ASAH1: variants seen among roughly 807,000 people sequenced by gnomAD.
ASAH1 encodes the protein acid ceramidase.
Under a neutral mutation model 59.5 loss-of-function variants are expected in ASAH1, and 70 were observed. The ratio of observed to expected loss-of-function variants is 1.18; its 90% CI spans 0.97 to 1.43. The LOEUF is 1.43. ASAH1 is among the 40% of genes most tolerant of loss of function. ASAH1 has a pLI of 0.00. For synonymous variants in ASAH1, 213 were observed against 166.5 expected (o/e 1.28, Z -2.15); for missense variants, 660 against 482.5 (o/e 1.37, Z -3.45).
intron 6 of ASAH1, 66 bp from the exon 7 acceptor site, chr8:18,063,296 T>A: frequency 7.2e-7 from 1 of 1,387,116 alleles, no homozygotes; most frequent in African/African-American, 1.4e-5. Context: ...GCTGGACAAT[T>A]AATTTTGATT....
Position 18,066,049 on chromosome 8 carries a change from A to G in ASAH1, c.382+1171T>C, listed in dbSNP as rs887745402. 1.3e-5 allele frequency: 2 copies of G among 152,266 alleles called. 1 individual carries two copies. The highest frequency in any genetic ancestry group is 4.1e-4 in the South Asian group (2 of 4,828). 9.4% of individuals were successfully genotyped at this position (152,266 alleles called of 1,614,324 possible). On this transcript the variant is annotated intron_variant, in intron 5 of 13. Transcript: ENST00000637790. Reference sequence around the variant, plus strand: ...ACCTGAAGCTTGACCCATAAGTCATAGCATATACAAAAATAATTCAAAATA... The same window carrying G: ...ACCTGAAGCTTGACCCATAAGTCATGGCATATACAAAAATAATTCAAAATA...
At chr8:18,078,354 G>A (rs991105544) in intron 1 of ASAH1, among the ~76,000 whole-genome samples, 5 of 152,184 alleles carry the variant, frequency 3.3e-5, no homozygotes, top group Admixed American at 1.3e-4. Flanking sequence ...CAATACATGT[G>A]GAGTGAGTCT....
At chr8:18,073,169 T>A (rs1800245093) in intron 2 of ASAH1, 5 of 1,268,692 alleles carry the variant, frequency 3.9e-6, no homozygotes, top group Non-Finnish European at 2.2e-6. Context: ...AATTGCACAT[T>A]TTACCTCTCG....
rs1421841663 is a variant in ASAH1 at position 18,063,186 on chromosome 8, C to T, written c.502G>A (p.Gly168Arg). 2 of 1,613,644 alleles carry T rather than the reference C, an allele frequency of 1.2e-6. No individual in the cohort carries two copies. The highest frequency in any genetic ancestry group is 1.7e-6 in the Non-Finnish European group (2 of 1,179,780). The change falls in exon 7 of 14, where the codon GGG (glycine) becomes AGG (arginine). Residue 168 changes from glycine to arginine, a missense_variant and splice_region_variant. Transcript: ENST00000637790. ...GRNMDFGVFL[G>R]WNINNDTWVI... ...CCTGACCCTTTGTTCTTTACTTACC[C>T]AAGAAATACTCCAAAATCCATGTTT...
chr8:18,083,841 G>C, intron 1 of ASAH1, 140 bp downstream of exon 1: 7 of 1,499,606 alleles, frequency 4.7e-6, no homozygotes, highest in Non-Finnish European at 6.2e-6. Flanking sequence ...CCACACCCCT[G>C]TGCACGAAAC....
chr8:18,058,991 C>A, intron 12 of ASAH1, 100 bp from the exon 13 acceptor site: 2 of 1,071,290 alleles, frequency 1.9e-6, no homozygotes, highest in Non-Finnish European at 2.9e-6. Context: ...ATTCTTTAAT[C>A]AACCTCCCCT....
chr8:18,079,993 T>C (rs1044161518), intron 1 of ASAH1, among the ~76,000 whole-genome samples: 10 of 152,230 alleles, frequency 6.6e-5, no homozygotes, highest in African/African-American at 1.9e-4. Flanking sequence ...ATCTATCTCA[T>C]TGGCTGACGC....
intron 4 of ASAH1, 31 bp downstream of exon 4, chr8:18,069,761 A>C: frequency 6.9e-7 from 1 of 1,458,708 alleles, no homozygotes; most frequent in Non-Finnish European, 9.6e-7. Flanking sequence ...CTATGTGCTT[A>C]ACATTTATTG....
intron 7 of ASAH1, 171 bp from the exon 8 acceptor site, chr8:18,062,594 T>C (rs567573744): frequency 1.8e-4 from 137 of 754,560 alleles, no homozygotes; most frequent in Admixed American, 3.0e-4. Context: ...AATGATAAAA[T>C]TGAGGTTCAG....
intron 6 of ASAH1, 154 bp from the exon 7 acceptor site, chr8:18,063,384 A>G: frequency 1.4e-6 from 1 of 701,660 alleles, no homozygotes; most frequent in Non-Finnish European, 2.5e-6. Flanking sequence ...GCTCACTGCG[A>G]CCTCTGCCTC....
intron 1 of ASAH1, among the ~76,000 whole-genome samples, chr8:18,081,877 T>C (rs941277021): frequency 3.3e-5 from 5 of 152,144 alleles, no homozygotes; most frequent in African/African-American, 1.2e-4. Flanking sequence ...GGTCCTTCAG[T>C]GCATGGATCC....
chr8:18,067,147 A>ATGTG, intron 5 of ASAH1, 73 bp downstream of exon 5: 2 of 804,822 alleles, frequency 2.5e-6, no homozygotes, highest in Non-Finnish European at 3.8e-6. Context: ...TGCTGTATGT[A>ATGTG]TATCACACCT....
At chr8:18,060,211 C>G (rs890569540) in intron 10 of ASAH1, 1 of 161,808 alleles carries the variant, frequency 6.2e-6, no homozygotes, top group African/African-American at 2.4e-5. Context: ...AGGCTGGTCT[C>G]GAACTCCTTG....
At chr8:18,084,807 G>C (rs752230439), upstream of ASAH1, 2 of 1,613,014 alleles carry the variant, frequency 1.2e-6, no homozygotes, top group South Asian at 1.1e-5. Context: ...TTCATTAAGC[G>C]GCTGTGTTTC....
chr8:18,075,001 C>CTTTTTTTTTTTTTTTTTTTTTTT (rs769278694), intron 2 of ASAH1, among the ~76,000 whole-genome samples: 16 of 148,570 alleles, frequency 1.1e-4, no homozygotes, highest in South Asian at 2.2e-4. Context: ...AAAATCCTTT[C>CTTTTTTTTTTTTTTTTTTTTTTT]CTTTTTTTTT....
At chr8:18,070,303 C>A (rs1208587431) in intron 3 of ASAH1, among the ~76,000 whole-genome samples, 1 of 152,226 alleles carries the variant, frequency 6.6e-6, no homozygotes, top group African/African-American at 2.4e-5. Context: ...GCATGCACCA[C>A]CATGCCTGGC....
At chr8:18,080,654 T>C (rs1589006887) in intron 1 of ASAH1, among the ~76,000 whole-genome samples, 1 of 152,122 alleles carries the variant, frequency 6.6e-6, no homozygotes, top group Non-Finnish European at 1.5e-5. Flanking sequence ...CCCTCCCAGG[T>C]TCAAGCAATT....
At chr8:18,080,874 T>C (rs182604956) in intron 1 of ASAH1, among the ~76,000 whole-genome samples, 2 of 152,306 alleles carry the variant, frequency 1.3e-5, no homozygotes, top group Non-Finnish European at 2.9e-5. Context: ...GTTTTAACTT[T>C]GGCAATTTCT....
intron 4 of ASAH1, 116 bp from the exon 5 acceptor site, chr8:18,067,414 A>AT (rs1247204382): frequency 5.0e-6 from 3 of 603,658 alleles, no homozygotes; most frequent in Non-Finnish European, 7.2e-6. Context: ...TGGACATATA[A>AT]TTTTTTCTAG....
Sources: allele counts gnomAD v4.1 joint callset (sites outside exome capture counted in the v4.1 genomes callset), GRCh38; gene constraint gnomAD v4.1.1; transcripts MANE v1.5; gene names NCBI Gene and HGNC (gene_info 2026-07-23, HGNC 2026-07-21).